Variants in EPB41L4A observed in about 807,000 individuals in gnomAD.
The protein encoded by EPB41L4A is erythrocyte membrane protein band 4.1 like 4A.
A neutral mutation model predicts 108.6 loss-of-function variants in EPB41L4A; 100 were observed. That is an observed-to-expected ratio of 0.92 (90% CI 0.78 to 1.09). The LOEUF is 1.09. Ranked by LOEUF, EPB41L4A falls within the 50% of genes least tolerant of loss-of-function variation. The pLI is 0.00. For synonymous variants in EPB41L4A, 319 were observed against 289.0 expected (o/e 1.10, Z -1.05); for missense variants, 1,030 against 842.7 (o/e 1.22, Z -2.75).
chr5:112,177,216 G>T (rs1222132467), intron 18 of EPB41L4A, among the ~76,000 whole-genome samples: 4 of 152,084 alleles, frequency 2.6e-5, no homozygotes, highest in African/African-American at 9.7e-5. Flanking sequence ...CAGACTCAAG[G>T]GAAAATTCAT....
intron 1 of EPB41L4A, among the ~76,000 whole-genome samples, chr5:112,313,836 C>T (rs550378889): frequency 1.4e-4 from 21 of 149,410 alleles, no homozygotes; most frequent in African/African-American, 3.9e-4. Flanking sequence ...ACTCCCCAAC[C>T]GCTCCAAAAA....
rs568781038 is a variant in EPB41L4A, at chr5:112,371,384, C to T, written c.99+47557G>A. On this transcript the variant is annotated intron_variant, in intron 1 of 22. Transcript: ENST00000261486. ...TGGTTAAAATACTGGACAGGCCCCA[C>T]CATCTCTGCAAAAACAAGACCAAAA... Among the ~76,000 whole-genome samples the T allele has an allele frequency of 2.0e-5, 3 of 152,284 alleles. No individual in the cohort carries two copies. The South Asian group carries it at 6.2e-4, about 32-fold the overall frequency.
chr5:112,181,361 G>A (rs1410159685), intron 18 of EPB41L4A, among the ~76,000 whole-genome samples: 1 of 152,078 alleles, frequency 6.6e-6, no homozygotes, highest in Non-Finnish European at 1.5e-5. Context: ...TGAGACAGGA[G>A]AATGGCGTGG....
chr5:112,201,128 T>C (rs1762199608), intron 15 of EPB41L4A, among the ~76,000 whole-genome samples: 1 of 152,306 alleles, frequency 6.6e-6, no homozygotes, highest in Non-Finnish European at 1.5e-5. Context: ...TTATAGGGCA[T>C]TCATACTGGG....
In EPB41L4A at chr5:112,266,052, A is replaced by T. The variant is rs78138231; in HGVS notation, c.433+181T>A. On this transcript the variant is annotated intron_variant, in intron 5 of 22. Coordinates refer to ENST00000261486, the MANE Select transcript of EPB41L4A (RefSeq NM_022140.5). Reference sequence around the variant, plus strand: ...CGACCTACCATAAGGGATTTGTACTAGGCTCCACTTTTACCTGTTCCGAAG... The same window carrying T: ...CGACCTACCATAAGGGATTTGTACTTGGCTCCACTTTTACCTGTTCCGAAG... Among the ~76,000 whole-genome samples the T allele has an allele frequency of 9.4e-3, 1,425 of 152,362 alleles. 7 individuals are homozygous for T. The highest frequency in any genetic ancestry group is 0.014 in the African/African-American group (564 of 41,584).
At position 112,184,107 on chromosome 5, in the gene EPB41L4A, A is replaced by C; in HGVS notation, c.1531T>G (p.Ser511Ala). The C allele has an allele frequency of 9.3e-6, 15 of 1,614,034 alleles. No homozygotes were observed. The highest frequency in any genetic ancestry group is 1.3e-5 in the Non-Finnish European group (15 of 1,179,936). ...RIRQENDMVD[S>A]APQWEAVLRR... Reference sequence around the variant, plus strand: ...AATACAGCTTCCCACTGAGGCGCTGAATCAACCATATCATTCTCCTGCCGT... The same window carrying C: ...AATACAGCTTCCCACTGAGGCGCTGCATCAACCATATCATTCTCCTGCCGT... The change falls in exon 18 of 23, where the codon TCA (serine) becomes GCA (alanine). Residue 511 changes from serine (S) to alanine (A), a missense_variant. By Grantham distance (99) the Ser-to-Ala change is moderately conservative. Transcript: ENST00000261486.
intron 2 of EPB41L4A, among the ~76,000 whole-genome samples, chr5:112,297,240 G>A (rs978682054): frequency 1.3e-5 from 2 of 152,142 alleles, no homozygotes. Context: ...GGCTGTACTA[G>A]TTTACATTCC....
At chr5:112,347,337 A>C (rs1372012660) in intron 1 of EPB41L4A, among the ~76,000 whole-genome samples, 1 of 152,226 alleles carries the variant, frequency 6.6e-6, no homozygotes, top group Non-Finnish European at 1.5e-5. Context: ...TTAAAAAGAT[A>C]AGGAAAATGC....
intron 1 of EPB41L4A, among the ~76,000 whole-genome samples, chr5:112,403,188 G>A (rs1161794915): frequency 6.6e-6 from 1 of 152,034 alleles, no homozygotes; most frequent in African/African-American, 2.4e-5. Flanking sequence ...TGTTCTCTGG[G>A]AATCTGTGTC....
At chr5:112,223,727 A>G (rs1412695508) in intron 12 of EPB41L4A, among the ~76,000 whole-genome samples, 1 of 152,242 alleles carries the variant, frequency 6.6e-6, no homozygotes, top group East Asian at 1.9e-4. Context: ...GTGTTCACAC[A>G]CAACTCAAAG....
intron 3 of EPB41L4A, 40 bp from the exon 4 acceptor site, chr5:112,275,444 A>G (rs1406548457): frequency 6.7e-7 from 1 of 1,493,420 alleles, no homozygotes; most frequent in Admixed American, 2.2e-5. Context: ...CTAAAATCAT[A>G]AATTAGTCAA....
chr5:112,369,408 C>G (rs1759342331), intron 1 of EPB41L4A, among the ~76,000 whole-genome samples: 1 of 152,196 alleles, frequency 6.6e-6, no homozygotes, highest in African/African-American at 2.4e-5. Context: ...GTCTTTATCA[C>G]TAGCCTAGTT....
At chr5:112,376,254 T>C (rs1186603182) in intron 1 of EPB41L4A, among the ~76,000 whole-genome samples, 2 of 152,162 alleles carry the variant, frequency 1.3e-5, no homozygotes, top group Middle Eastern at 3.2e-3. Flanking sequence ...AGGATACAGA[T>C]GGCAATTAAG....
intron 1 of EPB41L4A, among the ~76,000 whole-genome samples, chr5:112,369,086 A>G (rs1421732888): frequency 6.6e-6 from 1 of 152,164 alleles, no homozygotes; most frequent in African/African-American, 2.4e-5. Flanking sequence ...TTTCCATAGT[A>G]TTATCGGCTC....
intron 12 of EPB41L4A, among the ~76,000 whole-genome samples, chr5:112,221,746 T>C (rs1024339444): frequency 6.6e-6 from 1 of 152,094 alleles, no homozygotes; most frequent in Non-Finnish European, 1.5e-5. Flanking sequence ...AGAAAAAAGG[T>C]GTCATTTATG....
intron 2 of EPB41L4A, among the ~76,000 whole-genome samples, chr5:112,283,273 T>C (rs555080912): frequency 6.6e-6 from 1 of 152,238 alleles, no homozygotes; most frequent in Admixed American, 6.5e-5. Context: ...TTGATCAAAA[T>C]GGAAACCAGG....
chr5:112,309,770 G>C lies in EPB41L4A; in HGVS notation c.100-2280C>G, dbSNP rs115683729. On this transcript the variant is annotated intron_variant, in intron 1 of 22. Transcript: ENST00000261486. ...AAAAAGCACAGCACTTTCTCCAGCA[G>C]AAGGGAAAAGCAGGGGGAAAGTCAA... Among the ~76,000 whole-genome samples the C allele has an allele frequency of 9.3e-3, 1,413 of 152,310 alleles. 25 individuals are homozygous for C. Among genetic ancestry groups the C allele is most frequent in the African/African-American group, 0.032 (1,349 of 41,554 alleles).
chr5:112,391,538 G>C (rs976098553), intron 1 of EPB41L4A, among the ~76,000 whole-genome samples: 1 of 152,064 alleles, frequency 6.6e-6, no homozygotes, highest in Non-Finnish European at 1.5e-5. Flanking sequence ...AGAAAAAAGA[G>C]TAAAAAGAAA....
intron 1 of EPB41L4A, among the ~76,000 whole-genome samples, chr5:112,391,670 C>T (rs148618842): frequency 0.033 from 5,048 of 152,140 alleles, 289 homozygotes; most frequent in African/African-American, 0.12. Flanking sequence ...GGATATTATC[C>T]AGGAGAACTT....
Sources: allele counts gnomAD v4.1 joint callset (sites outside exome capture counted in the v4.1 genomes callset), GRCh38; gene constraint gnomAD v4.1.1; transcripts MANE v1.5; gene names NCBI Gene and HGNC (gene_info 2026-07-23, HGNC 2026-07-21).